Variants in USP48 observed in about 807,000 individuals in gnomAD.
The protein encoded by USP48 is ubiquitin specific peptidase 48, also known as ubiquitin carboxyl-terminal hydrolase 48.
Under a neutral mutation model 150.7 loss-of-function variants are expected in USP48, and 43 were observed. The observed-to-expected ratio is 0.29, with a 90% CI of 0.22 to 0.37. The LOEUF (loss-of-function observed/expected upper bound fraction) is 0.37. Ranked by LOEUF, USP48 falls within the 10% of genes least tolerant of loss-of-function variation. The pLI, the probability that USP48 is intolerant of heterozygous loss-of-function variation, is 1.00. For synonymous variants in USP48, 396 were observed against 425.9 expected (o/e 0.93, Z 0.86); for missense variants, 813 against 1,249.6 (o/e 0.65, Z 5.27).
At chr1:21,744,967 G>A (rs333179) in intron 8 of USP48, among the ~76,000 whole-genome samples, 11,603 of 151,990 alleles carry the variant, frequency 0.076, 501 homozygotes, top group Middle Eastern at 0.11. Context: ...ATCTTCTTTT[G>A]GATCCATCTT....
chr1:21,748,004 A>T, intron 7 of USP48, 134 bp downstream of exon 7: 1 of 928,178 alleles, frequency 1.1e-6, no homozygotes, highest in East Asian at 3.1e-5. Flanking sequence ...TTTCAAAATG[A>T]CAGCCTCCAT....
At chr1:21,699,504 T>C (rs983564124) in intron 22 of USP48, among the ~76,000 whole-genome samples, 1 of 148,416 alleles carries the variant, frequency 6.7e-6, no homozygotes, top group African/African-American at 2.5e-5. Flanking sequence ...GGCCTAATTT[T>C]TGTATTTTTA....
chr1:21,774,568 T>G (rs2097892276), intron 1 of USP48, among the ~76,000 whole-genome samples: 1 of 151,674 alleles, frequency 6.6e-6, no homozygotes, highest in Admixed American at 6.6e-5. Flanking sequence ...GCCCCTGTAG[T>G]CCCAGCTACT....
chr1:21,753,326 C>CAGAT (rs1205033539), intron 3 of USP48, among the ~76,000 whole-genome samples: 2 of 151,842 alleles, frequency 1.3e-5, no homozygotes, highest in African/African-American at 4.8e-5. Flanking sequence ...CCAAAGCAGG[C>CAGAT]AGATCACTTG....
At chr1:21,709,377 T>C (rs1411786165) in intron 15 of USP48, among the ~76,000 whole-genome samples, 1 of 152,134 alleles carries the variant, frequency 6.6e-6, no homozygotes, top group Non-Finnish European at 1.5e-5. Flanking sequence ...TGAAAACTTA[T>C]TCTAACGTGC....
chr1:21,694,593 A>AC (rs2097618030), intron 23 of USP48, among the ~76,000 whole-genome samples: 2 of 125,678 alleles, frequency 1.6e-5, no homozygotes, highest in African/African-American at 5.4e-5. Context: ...AAAAAAAAAA[A>AC]AAAAAAAAAA....
rs559421492 is a variant in USP48, at chr1:21,695,370, A to G, written c.2728-149T>C. 4.4e-4 allele frequency: 360 copies of G among 814,352 alleles called. 6 individuals carry two copies. In the South Asian group the frequency reaches 6.3e-3, roughly 14 times the overall value. The allele number at this position is 814,352 out of a possible 1,614,324, so 50.4% of individuals were successfully genotyped here. ...TGTAAACAATGAGTAGAAACTAACG[A>G]GACTTTCTTAGCAGGCTCACATAAA... On this transcript the variant is annotated intron_variant, in intron 22 of 26. Coordinates refer to ENST00000308271, the MANE Select transcript of USP48 (RefSeq NM_032236.8).
At chr1:21,750,882 C>CA (rs112902798) in intron 6 of USP48, among the ~76,000 whole-genome samples, 11,593 of 113,184 alleles carry the variant, frequency 0.1, 513 homozygotes, top group Middle Eastern at 0.13. Flanking sequence ...AACTCCATCT[C>CA]AAAAAAAAAA....
At chr1:21,737,427 A>G (rs2097771117) in intron 8 of USP48, among the ~76,000 whole-genome samples, 1 of 152,244 alleles carries the variant, frequency 6.6e-6, no homozygotes, top group African/African-American at 2.4e-5. Flanking sequence ...ATTAAATAAA[A>G]TCTACAAATC....
chr1:21,751,458 AT>A, intron 6 of USP48, 48 bp downstream of exon 6: 1 of 1,378,656 alleles, frequency 7.3e-7, no homozygotes, highest in Non-Finnish European at 1.0e-6. Context: ...TCAGAACAGC[AT>A]TTAACTGTTA....
At chr1:21,778,672 G>A (rs889937557) in intron 1 of USP48, among the ~76,000 whole-genome samples, 1 of 150,068 alleles carries the variant, frequency 6.7e-6, no homozygotes, top group Non-Finnish European at 1.5e-5. Context: ...AAGCATTTCA[G>A]GGGGCCAAGG....
intron 22 of USP48, 21 bp from the exon 23 acceptor site, chr1:21,695,242 G>A: frequency 6.3e-7 from 1 of 1,579,842 alleles, no homozygotes; most frequent in Non-Finnish European, 8.6e-7. Flanking sequence ...GATTGGAAAT[G>A]AAGAAAGCAC....
intron 9 of USP48, among the ~76,000 whole-genome samples, chr1:21,731,953 A>G (rs1026970271): frequency 1.3e-5 from 2 of 152,294 alleles, no homozygotes; most frequent in Admixed American, 6.5e-5. Flanking sequence ...ACTGGAAAAC[A>G]TGAAGTGTTT....
chr1:21,754,969 C>A (rs1053783723), intron 3 of USP48, among the ~76,000 whole-genome samples: 1 of 152,130 alleles, frequency 6.6e-6, no homozygotes, highest in Non-Finnish European at 1.5e-5. Flanking sequence ...GACAGACTAT[C>A]CGTTGGATGT....
At chr1:21,706,910 G>GA (rs35124551) in intron 15 of USP48, 42 bp from the exon 16 acceptor site, 3 of 1,543,434 alleles carry the variant, frequency 1.9e-6, no homozygotes, top group South Asian at 1.2e-5. Context: ...AAAAACAGCT[G>GA]AAAAAAAGTC....
intron 9 of USP48, among the ~76,000 whole-genome samples, chr1:21,732,465 G>T (rs928258606): frequency 6.6e-6 from 1 of 152,042 alleles, no homozygotes; most frequent in Non-Finnish European, 1.5e-5. Flanking sequence ...GCCAGTGACA[G>T]AAAAAGGTCT....
chr1:21,681,064 C>G, intron 25 of USP48: 2 of 401,970 alleles, frequency 5.0e-6, no homozygotes, highest in South Asian at 5.5e-5. Flanking sequence ...ACTGACAGGA[C>G]AAGGTTTGTA....
At chr1:21,725,636 C>T (rs547448106) in intron 11 of USP48, among the ~76,000 whole-genome samples, 12 of 148,758 alleles carry the variant, frequency 8.1e-5, no homozygotes, top group Non-Finnish European at 1.5e-4. Flanking sequence ...GACTGTAATA[C>T]CAGCTATTCG....
chr1:21,679,967 T>C (rs1245916363), intron 26 of USP48, among the ~76,000 whole-genome samples: 3 of 152,198 alleles, frequency 2.0e-5, no homozygotes, highest in Non-Finnish European at 4.4e-5. Flanking sequence ...GTGCTGGGAT[T>C]ACAGGCGTGA....
Sources: allele counts gnomAD v4.1 joint callset (sites outside exome capture counted in the v4.1 genomes callset), GRCh38; gene constraint gnomAD v4.1.1; transcripts MANE v1.5; gene names NCBI Gene and HGNC (gene_info 2026-07-23, HGNC 2026-07-21).